GABRB1: variants seen among roughly 807,000 people sequenced by gnomAD.
GABRB1 encodes the protein gamma-aminobutyric acid type A receptor subunit beta1.
GABRB1 carries 17 observed loss-of-function variants against 51.6 expected under a neutral mutation model. The ratio of observed to expected loss-of-function variants is 0.33; its 90% CI spans 0.23 to 0.49. The LOEUF (loss-of-function observed/expected upper bound fraction) is 0.49, where lower values mean the gene tolerates loss of function less well. Among genes scored for constraint, GABRB1 ranks in the 20% least tolerant of loss-of-function variants. The pLI is 0.99. For missense variants in GABRB1, 410 were observed against 600.6 expected (o/e 0.68, Z 3.32); for synonymous variants, 247 against 218.9 (o/e 1.13, Z -1.14).
At chr4:47,139,820 T>C (rs150300552) in intron 3 of GABRB1, among the ~76,000 whole-genome samples, 187 of 152,138 alleles carry the variant, frequency 1.2e-3, no homozygotes, top group South Asian at 2.9e-3. Flanking sequence ...CCTGAGCTTC[T>C]GCATTTCCAA....
chr4:47,123,942 TTA>T (rs1192391810), intron 3 of GABRB1, among the ~76,000 whole-genome samples: 5 of 114,174 alleles, frequency 4.4e-5, no homozygotes, highest in Admixed American at 1.3e-4. Flanking sequence ...ATTATATATA[TTA>T]TATATATCAT....
chr4:47,038,546 T>C (rs771387719), intron 3 of GABRB1, among the ~76,000 whole-genome samples: 2 of 152,198 alleles, frequency 1.3e-5, no homozygotes, highest in Non-Finnish European at 2.9e-5. Context: ...AGTATTATTT[T>C]TGAAGATCTG....
chr4:47,041,055 G>C (rs950443397), intron 3 of GABRB1, among the ~76,000 whole-genome samples: 1 of 152,118 alleles, frequency 6.6e-6, no homozygotes, highest in Non-Finnish European at 1.5e-5. Flanking sequence ...CTGGAACATT[G>C]TGTTTCCATG....
intron 4 of GABRB1, among the ~76,000 whole-genome samples, chr4:47,222,109 C>A (rs1424654425): frequency 1.3e-5 from 2 of 152,078 alleles, no homozygotes; most frequent in Non-Finnish European, 2.9e-5. Context: ...ACGGTATGAG[C>A]TGAAACAAGA....
At chr4:47,269,910 C>G (rs572474486) in intron 4 of GABRB1, among the ~76,000 whole-genome samples, 2 of 144,808 alleles carry the variant, frequency 1.4e-5, no homozygotes, top group South Asian at 4.5e-4. Flanking sequence ...ACCTGATGCT[C>G]TAAGGTGTCC....
At chr4:47,076,377 A>G (rs1727550058) in intron 3 of GABRB1, among the ~76,000 whole-genome samples, 1 of 152,198 alleles carries the variant, frequency 6.6e-6, no homozygotes, top group South Asian at 2.1e-4. Context: ...AGACTAAGCA[A>G]GAATTCTCTA....
At chr4:47,346,649 C>T (rs1020564812) in intron 5 of GABRB1, among the ~76,000 whole-genome samples, 2 of 152,210 alleles carry the variant, frequency 1.3e-5, no homozygotes, top group Admixed American at 6.5e-5. Flanking sequence ...CAGAAAGACA[C>T]TGACTTCAGC....
intron 4 of GABRB1, among the ~76,000 whole-genome samples, chr4:47,262,430 G>A (rs1186575541): frequency 3.3e-5 from 5 of 152,102 alleles, no homozygotes; most frequent in African/African-American, 9.7e-5. Flanking sequence ...GCAGCCAACA[G>A]ACACATGAAA....
At chr4:47,274,249 C>A (rs558809722) in intron 4 of GABRB1, among the ~76,000 whole-genome samples, 73 of 152,158 alleles carry the variant, frequency 4.8e-4, no homozygotes, top group African/African-American at 1.7e-3. Flanking sequence ...GGATTTTATG[C>A]AGATTATAAG....
chr4:47,113,652 TCTCCCAG>T (rs1715336469), intron 3 of GABRB1, among the ~76,000 whole-genome samples: 1 of 152,150 alleles, frequency 6.6e-6, no homozygotes, highest in African/African-American at 2.4e-5. Context: ...ACATTTTTTT[TCTCCCAG>T]CTCCTAATGC....
chr4:47,191,974 G>C (rs909098479), intron 4 of GABRB1, among the ~76,000 whole-genome samples: 8 of 151,924 alleles, frequency 5.3e-5, no homozygotes, highest in African/African-American at 1.9e-4. Context: ...AATTTTGACT[G>C]GCCATTTAAA....
chr4:47,346,929 C>G (rs56336915), intron 5 of GABRB1, among the ~76,000 whole-genome samples: 55,793 of 152,028 alleles, frequency 0.37, 10,444 homozygotes, highest in South Asian at 0.47. Flanking sequence ...ATGAGTGTAA[C>G]ATCTTGTTAT....
chr4:47,076,633 A>C (rs1213986443), intron 3 of GABRB1, among the ~76,000 whole-genome samples: 2 of 151,966 alleles, frequency 1.3e-5, no homozygotes, highest in East Asian at 1.9e-4. Context: ...GACAGCCAGC[A>C]GCCGATTACA....
intron 3 of GABRB1, among the ~76,000 whole-genome samples, chr4:47,100,065 G>A (rs1001179330): frequency 6.6e-6 from 1 of 151,860 alleles, no homozygotes; most frequent in African/African-American, 2.4e-5. Context: ...AATTATGTTC[G>A]GGGTTTAAAA....
At chr4:47,253,213 A>G (rs751248901) in intron 4 of GABRB1, among the ~76,000 whole-genome samples, 5 of 152,246 alleles carry the variant, frequency 3.3e-5, no homozygotes, top group Non-Finnish European at 7.3e-5. Flanking sequence ...GAAGACTGAA[A>G]GATAATGTGA....
upstream of GABRB1, among the ~76,000 whole-genome samples, chr4:47,028,805 GTA>G (rs1725184962): frequency 7.1e-6 from 1 of 140,976 alleles, no homozygotes; most frequent in Non-Finnish European, 1.5e-5. Context: ...GTATATATGT[GTA>G]TATATATGTA....
chr4:47,337,526 C>T (rs1049665162), intron 5 of GABRB1, among the ~76,000 whole-genome samples: 4 of 151,906 alleles, frequency 2.6e-5, no homozygotes, highest in East Asian at 1.9e-4. Flanking sequence ...TAGATCTGGC[C>T]GGACACAGTG....
chr4:47,268,860 C>G (rs1478995167), intron 4 of GABRB1, among the ~76,000 whole-genome samples: 1 of 152,096 alleles, frequency 6.6e-6, no homozygotes, highest in Non-Finnish European at 1.5e-5. Context: ...TTGCACTGTA[C>G]ATGTTATCAT....
intron 3 of GABRB1, among the ~76,000 whole-genome samples, chr4:47,123,737 T>TCATATATCA (rs1553917497): frequency 4.8e-4 from 40 of 82,536 alleles, no homozygotes; most frequent in Non-Finnish European, 7.4e-4. Flanking sequence ...ATATCATATA[T>TCATATATCA]TATTATATAT....
Sources: gnomAD v4.1 joint callset for allele counts (sites outside exome capture counted in the v4.1 genomes callset) on GRCh38, gnomAD v4.1.1 for gene constraint, MANE v1.5 for transcripts, NCBI Gene and HGNC (gene_info 2026-07-23, HGNC 2026-07-21) for gene names.